The following RASGEF1C variants were observed in gnomAD, a reference collection of about 807,000 sequenced individuals.
The protein encoded by RASGEF1C is RasGEF domain family member 1C.
Under a neutral mutation model 58.1 loss-of-function variants are expected in RASGEF1C, and 27 were observed. The observed-to-expected ratio is 0.46, with a 90% CI of 0.34 to 0.64. The LOEUF is 0.64. RASGEF1C is among the 30% of genes least tolerant of loss of function. RASGEF1C has a pLI of 0.01. For missense variants in RASGEF1C, 502 were observed against 605.1 expected (o/e 0.83, Z 1.79); for synonymous variants, 243 against 246.3 (o/e 0.99, Z 0.13).
intron 4 of RASGEF1C, among the ~76,000 whole-genome samples, chr5:180,131,175 C>G (rs898248525): frequency 6.6e-6 from 1 of 152,218 alleles, no homozygotes; most frequent in African/African-American, 2.4e-5. Context: ...GTTCAAAATG[C>G]AAATCTGATC....
intron 1 of RASGEF1C, among the ~76,000 whole-genome samples, chr5:180,186,101 G>GAAAAAAAAA (rs35778456): frequency 2.7e-4 from 22 of 81,114 alleles, no homozygotes; most frequent in East Asian, 3.5e-4. Flanking sequence ...TATCTCCACA[G>GAAAAAAAAA]AAAAAAAAAA....
At chr5:180,206,153 T>A (rs1756484557) in intron 1 of RASGEF1C, among the ~76,000 whole-genome samples, 2 of 152,180 alleles carry the variant, frequency 1.3e-5, no homozygotes, top group Non-Finnish European at 1.5e-5. Context: ...AGGGCTTGGA[T>A]TTTTAGTGTA....
rs1765959683 is a variant in RASGEF1C, at chr5:180,111,500, G to T, written c.1260C>A (p.Ser420Arg). The T allele has an allele frequency of 6.2e-7, 1 of 1,614,094 alleles. No homozygotes were observed. Among genetic ancestry groups the T allele is most frequent in the Non-Finnish European group, 8.5e-7 (1 of 1,180,032 alleles). The change falls in exon 12 of 14, where the codon AGC becomes AGA. Residue 420 changes from serine to arginine, a missense_variant. By Grantham distance (110) the Ser-to-Arg change is moderately radical (BLOSUM62 -1). Coordinates refer to ENST00000361132, the MANE Select transcript of RASGEF1C (RefSeq NM_175062.4). ...GGGCGGTGTACAGGTAGTGGGTGAT[G>T]CTGGCGTCTTGCTCGAAGGGACACT... ...QVECPFEQDA[S>R]ITHYLYTAPI...
chr5:180,136,381 G>C lies in RASGEF1C; in HGVS notation c.435C>G (p.Asp145Glu), dbSNP rs773099936. 4 of 1,555,290 alleles carry C rather than the reference G, an allele frequency of 2.6e-6. No individual in the cohort carries two copies. The highest frequency in any genetic ancestry group is 3.5e-6 in the Non-Finnish European group (4 of 1,149,524). ...KDVVGRIAPCDEAYRKRMHQL... is the reference protein window; with the variant it reads ...KDVVGRIAPCEEAYRKRMHQL... ...CGACCCCCGCCCAGCTGCCCACCTCGTCACAGGGGGCGATGCGGCCCACGA... is the reference window on the plus strand; with the variant it reads ...CGACCCCCGCCCAGCTGCCCACCTCCTCACAGGGGGCGATGCGGCCCACGA... The change falls in exon 4 of 14, where the codon GAC becomes GAG. Residue 145 changes from aspartate (D) to glutamate (E), a missense_variant. By Grantham distance (45) the Asp-to-Glu change is conservative (BLOSUM62 2). Coordinates refer to ENST00000361132, the MANE Select transcript of RASGEF1C (RefSeq NM_175062.4).
intron 10 of RASGEF1C, 94 bp downstream of exon 10, chr5:180,118,515 T>C: frequency 8.6e-7 from 1 of 1,166,180 alleles, no homozygotes; most frequent in Non-Finnish European, 1.2e-6. Flanking sequence ...CTATTACTGA[T>C]GCTGCAGGGG....
At chr5:180,109,194 C>T (rs915676210) in intron 12 of RASGEF1C, among the ~76,000 whole-genome samples, 22 of 152,186 alleles carry the variant, frequency 1.4e-4, no homozygotes, top group African/African-American at 4.1e-4. Flanking sequence ...TGGTGGCTCA[C>T]GCCTGTAATC....
rs894225360 is a variant in RASGEF1C at position 180,143,356 on chromosome 5, G to A, written c.-6-5298C>T. The stretch of plus-strand genomic sequence containing the variant: ...CCTCTATGGGAGACGGGAAATGTGT[G>A]CAGGGACAGGGGCACCATGTGGTGC... On this transcript the variant is annotated intron_variant, in intron 1 of 13. Coordinates refer to ENST00000361132, the MANE Select transcript of RASGEF1C (RefSeq NM_175062.4). This position sits in a 1 kb window ranked among gnomAD's most constrained non-coding sequence, Gnocchi z 4.3. 2.0e-5 allele frequency among the ~76,000 whole-genome samples: 3 copies of A among 152,240 alleles called. No homozygotes were observed. Among genetic ancestry groups the A allele is most frequent in the Non-Finnish European group, 2.9e-5 (2 of 68,042 alleles).
chr5:180,209,109 GCCCGCCGCC>G lies in RASGEF1C; in HGVS notation c.-97_-89del, dbSNP rs1756552568. ...CCTCGGCGCCGCGGACCGGGGCGCC[GCCCGCCGCC>G]GCCGCCGCCGCCGCCGCCGCCGCCG... On this transcript the variant is annotated 5_prime_UTR_variant, in exon 1 of 14. Transcript: ENST00000361132. 1 of 129,266 alleles carries G rather than the reference GCCCGCCGCC, an allele frequency of 7.7e-6. No individual in the cohort carries two copies. Among genetic ancestry groups the G allele is most frequent in the South Asian group, 2.0e-4 (1 of 4,974 alleles). 8.0% of individuals were successfully genotyped at this position (129,266 alleles called of 1,614,324 possible). A position where few individuals can be genotyped will look rare whatever the true frequency, so the allele number is the denominator to read the frequency against.
chr5:180,172,057 A>G (rs1295749417), intron 1 of RASGEF1C, among the ~76,000 whole-genome samples: 1 of 152,228 alleles, frequency 6.6e-6, no homozygotes, highest in Non-Finnish European at 1.5e-5. Flanking sequence ...TTACATTCAT[A>G]GGAATAAAAA....
At position 180,101,504 on chromosome 5, in the gene RASGEF1C, T is replaced by C; in HGVS notation, c.1398A>G (p.Thr466=). Residue 466 remains threonine, a synonymous_variant, in exon 14 of 14, where the codon ACA becomes ACG. Transcript: ENST00000361132. ...KALRSSILGK[T] is the part of the protein sequence containing the mutation. ...CTCGTCCCTCAGCTCAGCGCTTTCA[T>C]GTCTTCCCCAAAATAGAAGATCTGC... is the stretch of plus-strand genomic sequence containing the variant. 6.2e-7 allele frequency: 1 copy of C among 1,611,992 alleles called. No homozygotes were observed. The highest frequency in any genetic ancestry group is 1.1e-5 in the South Asian group (1 of 91,044).
chr5:180,172,820 C>G (rs914525039), intron 1 of RASGEF1C, among the ~76,000 whole-genome samples: 1 of 152,104 alleles, frequency 6.6e-6, no homozygotes, highest in African/African-American at 2.4e-5. Context: ...CGCTTCTCAC[C>G]TCCCTTGTCC....
intron 7 of RASGEF1C, 131 bp downstream of exon 7, chr5:180,120,929 C>G: frequency 1.5e-6 from 1 of 647,166 alleles, no homozygotes; most frequent in Non-Finnish European, 2.8e-6. Context: ...TGGAGGGGTG[C>G]CCAGCCTGGC....
chr5:180,101,408 C>T lies in RASGEF1C; in HGVS notation c.*93G>A, dbSNP rs1171734124. 2.0e-6 allele frequency: 3 copies of T among 1,483,886 alleles called. No individual in the cohort carries two copies. Among genetic ancestry groups the T allele is most frequent in the Non-Finnish European group, 1.8e-6 (2 of 1,083,126 alleles). The allele number at this position is 1,483,886 out of a possible 1,614,324, so 91.9% of individuals were successfully genotyped here. ...GGTCGGCATTTGCAAAATAGTGAGGCACTCCCTGGCCTCTGCCCACTGGGC... is the reference window on the plus strand; with the variant it reads ...GGTCGGCATTTGCAAAATAGTGAGGTACTCCCTGGCCTCTGCCCACTGGGC... On this transcript the variant is annotated 3_prime_UTR_variant, in exon 14 of 14. Transcript: ENST00000361132.
chr5:180,130,378 G>A (rs1337043881), intron 4 of RASGEF1C, among the ~76,000 whole-genome samples: 2 of 152,226 alleles, frequency 1.3e-5, no homozygotes, highest in Non-Finnish European at 2.9e-5. Context: ...CTTCATCTGA[G>A]TGCTGGGAAG....
chr5:180,205,221 A>G (rs774348338), intron 1 of RASGEF1C, among the ~76,000 whole-genome samples: 11 of 152,158 alleles, frequency 7.2e-5, no homozygotes, highest in Non-Finnish European at 1.6e-4. Flanking sequence ...AAAACAAAAA[A>G]AAAGACTAAC....
At chr5:180,150,752 A>G (rs1343908802) in intron 1 of RASGEF1C, among the ~76,000 whole-genome samples, 2 of 152,316 alleles carry the variant, frequency 1.3e-5, no homozygotes, top group East Asian at 3.9e-4. Flanking sequence ...AGGGTATTCA[A>G]TTAGGAAAAA....
chr5:180,125,275 T>C (rs1216930146), intron 6 of RASGEF1C, among the ~76,000 whole-genome samples: 1 of 152,100 alleles, frequency 6.6e-6, no homozygotes, highest in Admixed American at 6.6e-5. Flanking sequence ...TAAATGAAAT[T>C]TAACAACCAT....
chr5:180,126,300 G>A (rs1282637199), intron 6 of RASGEF1C, among the ~76,000 whole-genome samples: 1 of 152,102 alleles, frequency 6.6e-6, no homozygotes, highest in African/African-American at 2.4e-5. Flanking sequence ...CCAGCTATTG[G>A]GGAGGCTGAG....
intron 1 of RASGEF1C, among the ~76,000 whole-genome samples, chr5:180,141,680 T>C (rs904615139): frequency 2.0e-5 from 3 of 151,704 alleles, no homozygotes; most frequent in African/African-American, 7.3e-5. Flanking sequence ...TTAAAAAGGG[T>C]TAAAATGATA....
Sources: gnomAD v4.1 joint callset for allele counts (sites outside exome capture counted in the v4.1 genomes callset) on GRCh38, gnomAD v4.1.1 for gene constraint, Gnocchi (gnomAD v3.1) non-coding constraint, MANE v1.5 for transcripts, NCBI Gene and HGNC (gene_info 2026-07-23, HGNC 2026-07-21) for gene names.